The following GPR19 variants were observed in gnomAD, a reference collection of about 807,000 sequenced individuals.
GPR19 encodes probable G protein-coupled receptor 19.
In GPR19, 14 loss-of-function variants were observed where a neutral mutation model predicts 28.5. The ratio of observed to expected loss-of-function variants is 0.49; its 90% CI spans 0.32 to 0.77. The LOEUF (loss-of-function observed/expected upper bound fraction) is 0.77. Among genes scored for constraint, GPR19 ranks in the 30% least tolerant of loss-of-function variants. The pLI is 0.03. For synonymous variants in GPR19, 173 were observed against 184.1 expected, an observed-to-expected ratio of 0.94 and a Z score of 0.49; for missense variants, 409 against 504.1, an observed-to-expected ratio of 0.81 and a Z score of 1.81.
rs761441631 is a variant in GPR19 at position 12,661,550 on chromosome 12, G to A, written c.899C>T (p.Pro300Leu). The change falls in exon 4 of 4, where the codon CCC becomes CTC. Residue 300 changes from proline to leucine, a missense_variant. Coordinates refer to ENST00000651487, the MANE Select transcript of GPR19 (RefSeq NM_006143.3). This position sits in a 1 kb window ranked among gnomAD's most constrained non-coding sequence, Gnocchi z 4.2. ...ACTTTTCTTATAGTCTTGTTCATGG[G>A]GGTGCCATAGCTGAGCTACATGAAA... is the stretch of plus-strand genomic sequence containing the variant. Reference protein sequence around the residue: ...LPFHVAQLWHPHEQDYKKSSL... With the variant: ...LPFHVAQLWHLHEQDYKKSSL... The A allele has an allele frequency of 6.2e-7, 1 of 1,613,588 alleles. No homozygotes were observed. The highest frequency in any genetic ancestry group is 8.5e-7 in the Non-Finnish European group (1 of 1,179,512).
At chr12:12,662,706 C>T (rs949334887) in intron 3 of GPR19, among the ~76,000 whole-genome samples, 1 of 152,228 alleles carries the variant, frequency 6.6e-6, no homozygotes, top group Non-Finnish European at 1.5e-5. Flanking sequence ...TCTCTGGCCT[C>T]ACCTTCTCTT....
the GPR19 span, among the ~76,000 whole-genome samples, chr12:12,709,372 AT>A: frequency 6.6e-6 from 1 of 151,936 alleles, no homozygotes; most frequent in South Asian, 2.1e-4. Context: ...CCCTTTGCAC[AT>A]TTTTTTCTTT....
In GPR19 at chr12:12,661,432, T is replaced by C. The variant is rs761473858; in HGVS notation, c.1017A>G (p.Arg339=). The C allele has an allele frequency of 6.2e-7, 1 of 1,613,350 alleles. No homozygotes were observed. The highest frequency in any genetic ancestry group is 1.7e-5 in the Admixed American group (1 of 60,018). Reference sequence around the variant, plus strand: ...ACATGCAAAAAGTCTCTTTCATCCCTCTCCGAAAATTGGCATTATAAATTG... The same window carrying C: ...ACATGCAAAAAGTCTCTTTCATCCCCCTCCGAAAATTGGCATTATAAATTG... ...LYSIYNANFR[R]GMKETFCMSS... The change falls in exon 4 of 4, where the codon AGA becomes AGG. Residue 339 remains arginine, a synonymous_variant. Transcript: ENST00000651487. This position sits in a 1 kb window ranked among gnomAD's most constrained non-coding sequence, Gnocchi z 4.2.
intron 3 of GPR19, among the ~76,000 whole-genome samples, chr12:12,672,836 T>G (rs1255487156): frequency 6.6e-6 from 1 of 152,226 alleles, no homozygotes; most frequent in Non-Finnish European, 1.5e-5. Context: ...CATTTATCCA[T>G]TTTTTAAAAA....
chr12:12,667,337 ACCCATCCAAGC>A (rs1945797223), intron 3 of GPR19, among the ~76,000 whole-genome samples: 1 of 151,956 alleles, frequency 6.6e-6, no homozygotes, highest in African/African-American at 2.4e-5. Context: ...TCTACTTCTC[ACCCATCCAAGC>A]TTTAAGATTA....
At chr12:12,696,731 C>G (rs986232656), upstream of GPR19, among the ~76,000 whole-genome samples, 4 of 152,226 alleles carry the variant, frequency 2.6e-5, no homozygotes, top group African/African-American at 9.6e-5. Flanking sequence ...AGCGCTGTGT[C>G]GCGGTTCTCG....
chr12:12,697,152 G>GGAAAAAAAAAAAAAAAAA (rs1565413527), upstream of GPR19, among the ~76,000 whole-genome samples: 1 of 5,260 alleles, frequency 1.9e-4, no homozygotes, highest in African/African-American at 5.0e-4. Flanking sequence ...TTGAAGCGAA[G>GGAAAAAAAAAAAAAAAAA]TAAAAAAAAA....
chr12:12,676,642 G>C (rs1189709699), intron 3 of GPR19, among the ~76,000 whole-genome samples: 1 of 152,212 alleles, frequency 6.6e-6, no homozygotes, highest in African/African-American at 2.4e-5. Flanking sequence ...TCTGGTCAAA[G>C]AGGACCTGCC....
At chr12:12,677,679 T>C (rs1166309451) in intron 3 of GPR19, among the ~76,000 whole-genome samples, 4 of 152,230 alleles carry the variant, frequency 2.6e-5, no homozygotes, top group African/African-American at 9.7e-5. Context: ...ATATTTCACA[T>C]GGATAATATA....
At chr12:12,673,223 A>T (rs1945878156) in intron 3 of GPR19, among the ~76,000 whole-genome samples, 1 of 152,190 alleles carries the variant, frequency 6.6e-6, no homozygotes, top group Admixed American at 6.5e-5. Flanking sequence ...TGACAAGAGA[A>T]AGTCTCCTGG....
At chr12:12,716,251 A>G in the GPR19 span, among the ~76,000 whole-genome samples, 9 of 152,162 alleles carry the variant, frequency 5.9e-5, no homozygotes, top group East Asian at 1.7e-3. Flanking sequence ...AAATCATTTC[A>G]TCATCTGGAG....
chr12:12,665,031 T>G (rs11055009), intron 3 of GPR19, among the ~76,000 whole-genome samples: 24,979 of 151,760 alleles, frequency 0.16, 2,485 homozygotes, highest in Non-Finnish European at 0.23. Flanking sequence ...AAATCATCTT[T>G]TCGCCTTCAT....
At chr12:12,700,865 G>A (rs1270590540), upstream of GPR19, among the ~76,000 whole-genome samples, 1 of 152,146 alleles carries the variant, frequency 6.6e-6, no homozygotes, top group East Asian at 1.9e-4. Flanking sequence ...TTGATTACAT[G>A]TTGAAATGTC....
At chr12:12,689,259 C>T (rs946673908) in intron 2 of GPR19, among the ~76,000 whole-genome samples, 1 of 152,160 alleles carries the variant, frequency 6.6e-6, no homozygotes, top group African/African-American at 2.4e-5. Context: ...GGCCCCACGT[C>T]CAATACCGGG....
chr12:12,697,452 T>C (rs564548012), upstream of GPR19, among the ~76,000 whole-genome samples: 26 of 152,312 alleles, frequency 1.7e-4, no homozygotes, highest in African/African-American at 6.3e-4. Flanking sequence ...TTTAATGTGC[T>C]CAAAAAACAA....
upstream of GPR19, among the ~76,000 whole-genome samples, chr12:12,700,939 G>T (rs905623719): frequency 2.6e-5 from 4 of 151,892 alleles, no homozygotes; most frequent in Non-Finnish European, 2.9e-5. Context: ...CTAAATTGTC[G>T]AATGTTTCTG....
chr12:12,708,833 G>C, the GPR19 span, among the ~76,000 whole-genome samples: 4 of 152,210 alleles, frequency 2.6e-5, no homozygotes, highest in African/African-American at 7.2e-5. Context: ...TGGATCACGA[G>C]GTTAGGAGTT....
At chr12:12,685,283 G>C (rs967327078) in intron 2 of GPR19, among the ~76,000 whole-genome samples, 3 of 100,552 alleles carry the variant, frequency 3.0e-5, no homozygotes, top group Admixed American at 9.8e-5. Flanking sequence ...TTTTTTTGGT[G>C]GGGGGGAGGG....
chr12:12,671,142 T>TAAA (rs535517127), intron 3 of GPR19, among the ~76,000 whole-genome samples: 1 of 137,848 alleles, frequency 7.3e-6, no homozygotes, highest in Admixed American at 7.3e-5. Flanking sequence ...CTACTAAAAA[T>TAAA]AAAAAAAAAA....
Sources: gnomAD v4.1 joint callset for allele counts (sites outside exome capture counted in the v4.1 genomes callset) on GRCh38, gnomAD v4.1.1 for gene constraint, Gnocchi (gnomAD v3.1) non-coding constraint, MANE v1.5 for transcripts, NCBI Gene and HGNC (gene_info 2026-07-23, HGNC 2026-07-21) for gene names.